Variants in MCF2L observed in about 807,000 individuals in gnomAD.
MCF2L encodes the protein guanine nucleotide exchange factor DBS.
Under a neutral mutation model 153.4 loss-of-function variants are expected in MCF2L, and 97 were observed. The ratio of observed to expected loss-of-function variants is 0.63; its 90% CI spans 0.54 to 0.75. MCF2L has a LOEUF of 0.75. Ranked by LOEUF, MCF2L falls within the 30% of genes least tolerant of loss-of-function variation. The pLI is 0.00. For synonymous variants in MCF2L, 659 were observed against 632.2 expected, an observed-to-expected ratio of 1.04 and a Z score of -0.64; for missense variants, 1,347 against 1,495.2, an observed-to-expected ratio of 0.90 and a Z score of 1.64.
At chr13:113,065,166 C>G in intron 7 of MCF2L, 81 bp downstream of exon 7, 1 of 1,536,598 alleles carries the variant, frequency 6.5e-7, no homozygotes, top group East Asian at 2.3e-5. Context: ...TCGGAAGCTG[C>G]GGGGGGTCTT....
At position 112,894,493 on chromosome 13, in the gene MCF2L, G is replaced by A. The variant is rs374584804; in HGVS notation, c.-5+62G>A. 212 of 151,752 alleles carry A rather than the reference G, an allele frequency of 1.4e-3. 2 individuals are homozygous for A. The highest frequency in any genetic ancestry group is 6.9e-3 in the Middle Eastern group (2 of 290). 9.4% of individuals were successfully genotyped at this position (151,752 alleles called of 1,614,324 possible). A position where few individuals can be genotyped will look rare whatever the true frequency, so the allele number is the denominator to read the frequency against. On this transcript the variant is annotated intron_variant, in intron 1 of 29. Transcript: ENST00000375608. ...GTGACGGGAGGGGGCGCGGGGCGGAGCCGGGCAGGAAGCGTCGCGGTCGCT... is the reference window on the plus strand; with the variant it reads ...GTGACGGGAGGGGGCGCGGGGCGGAACCGGGCAGGAAGCGTCGCGGTCGCT...
Position 112,993,616 on chromosome 13 carries a change from G to A in MCF2L, c.80-21147G>A, listed in dbSNP as rs1159567208. ...CAGGGCAGGAGGGACGGGGCTTAGGGATGTTTCTTGGAGAGAGGGAGCGAG... is the reference window on the plus strand; with the variant it reads ...CAGGGCAGGAGGGACGGGGCTTAGGAATGTTTCTTGGAGAGAGGGAGCGAG... On this transcript the variant is annotated intron_variant, in intron 1 of 29. Coordinates refer to ENST00000535094, the MANE Select transcript of MCF2L (RefSeq NM_001112732.3). The surrounding 1 kb of genome is among the most constrained non-coding windows in gnomAD (Gnocchi z 4.6). 6.6e-6 allele frequency among the ~76,000 whole-genome samples: 1 copy of A among 152,096 alleles called. No homozygotes were observed. Among genetic ancestry groups the A allele is most frequent in the Non-Finnish European group, 1.5e-5 (1 of 68,018 alleles).
At chr13:112,962,292 T>C (rs1240963510) in intron 2 of MCF2L, among the ~76,000 whole-genome samples, 1 of 151,996 alleles carries the variant, frequency 6.6e-6, no homozygotes, top group Non-Finnish European at 1.5e-5. Flanking sequence ...CACACACGCA[T>C]GTACACACAC....
chr13:112,937,048 T>C (rs938153744), intron 2 of MCF2L, among the ~76,000 whole-genome samples: 3 of 152,172 alleles, frequency 2.0e-5, no homozygotes, highest in African/African-American at 7.2e-5. Flanking sequence ...AATGATTACA[T>C]ATTTTATTTT....
intron 1 of MCF2L, among the ~76,000 whole-genome samples, chr13:112,990,297 G>C (rs1031965430): frequency 6.6e-6 from 1 of 152,218 alleles, no homozygotes; most frequent in Non-Finnish European, 1.5e-5. Flanking sequence ...CAGCCCTGTC[G>C]TGGGATATTT....
chr13:113,095,664 G>A lies in MCF2L; in HGVS notation c.3076-707G>A, dbSNP rs79184259. 1,771 of 991,962 alleles carry A rather than the reference G, an allele frequency of 1.8e-3. 2 individuals carry two copies. Among genetic ancestry groups the A allele is most frequent in the Admixed American group, 7.1e-3 (124 of 17,410 alleles). The allele number at this position is 991,962 out of a possible 1,614,324, so 61.4% of individuals were successfully genotyped here. A position where few individuals can be genotyped will look rare whatever the true frequency, so the allele number is the denominator to read the frequency against. On this transcript the variant is annotated intron_variant, in intron 27 of 29. Coordinates refer to ENST00000535094, the MANE Select transcript of MCF2L (RefSeq NM_001112732.3). ...CCGTCCTCCTGCTCCAGGCCATCAC[G>A]TGAGGGCAGGTGGCCCAGTCACCGT...
In MCF2L at chr13:113,064,180, G is replaced by A; in HGVS notation, c.490-124G>A. ...GTGTCCAGGTGCCCCCACCCACACA[G>A]CCGCCCGCAGCATCCAGGCAGACGT... On this transcript the variant is annotated intron_variant, in intron 5 of 29. Coordinates refer to ENST00000535094, the MANE Select transcript of MCF2L (RefSeq NM_001112732.3). This position sits in a 1 kb window ranked among gnomAD's most constrained non-coding sequence, Gnocchi z 6.0. 6 of 756,712 alleles carry A rather than the reference G, an allele frequency of 7.9e-6. No homozygotes were observed. Among genetic ancestry groups the A allele is most frequent in the Non-Finnish European group, 1.2e-5 (5 of 427,712 alleles). 46.9% of individuals were successfully genotyped at this position (756,712 alleles called of 1,614,324 possible).
chr13:112,904,013 G>A lies in MCF2L; in HGVS notation c.169+1642G>A, dbSNP rs1197325444. ...CTGGAAGGTTGCTGAGTCTTCCCGC[G>A]CTCAGCTTGGCTGTGAATTAACTGC... On this transcript the variant is annotated intron_variant, in intron 2 of 29. Coordinates refer to the MCF2L transcript ENST00000375608. This position sits in a 1 kb window ranked among gnomAD's most constrained non-coding sequence, Gnocchi z 4.2. 1.3e-5 allele frequency among the ~76,000 whole-genome samples: 2 copies of A among 152,134 alleles called. No individual in the cohort carries two copies. The highest frequency in any genetic ancestry group is 6.5e-5 in the Admixed American group (1 of 15,282).
intron 26 of MCF2L, chr13:113,090,996 G>T: frequency 2.4e-6 from 3 of 1,238,446 alleles, no homozygotes; most frequent in South Asian, 2.8e-5. Context: ...CTTTTTCATC[G>T]GTGGAAAGGG....
chr13:112,919,943 C>T (rs1161079425), intron 2 of MCF2L, among the ~76,000 whole-genome samples: 2 of 152,224 alleles, frequency 1.3e-5, no homozygotes, highest in South Asian at 2.1e-4. Flanking sequence ...ATGGATGTTT[C>T]AGATGTCTCT....
At chr13:112,949,115 A>C (rs781453438) in intron 2 of MCF2L, among the ~76,000 whole-genome samples, 30 of 152,274 alleles carry the variant, frequency 2.0e-4, no homozygotes, top group Admixed American at 8.5e-4. Context: ...AAAAAACTGC[A>C]AACAACTGTA....
Position 112,904,943 on chromosome 13 carries a change from G to T in MCF2L, c.169+2572G>T, listed in dbSNP as rs140273984. On this transcript the variant is annotated intron_variant, in intron 2 of 29. Coordinates refer to the MCF2L transcript ENST00000375608. This position sits in a 1 kb window ranked among gnomAD's most constrained non-coding sequence, Gnocchi z 4.2. ...GTCATAAAATAGACACCCATGAAAT[G>T]TACCATTTTAACTACTGTCAAGTGT... Among the ~76,000 whole-genome samples the T allele has an allele frequency of 1.1e-3, 170 of 152,300 alleles. 1 individual carries two copies. Among genetic ancestry groups the T allele is most frequent in the Non-Finnish European group, 2.0e-3 (135 of 68,022 alleles).
At chr13:112,896,464 CTG>C (rs2081069287) in intron 1 of MCF2L, among the ~76,000 whole-genome samples, 2 of 152,098 alleles carry the variant, frequency 1.3e-5, no homozygotes, top group African/African-American at 4.8e-5. Flanking sequence ...GAGGCCCCCC[CTG>C]TCTTTACAGC....
At chr13:113,078,816 A>G in intron 15 of MCF2L, 77 bp downstream of exon 15, 3 of 1,250,584 alleles carry the variant, frequency 2.4e-6, no homozygotes, top group Non-Finnish European at 3.4e-6. Flanking sequence ...CAGGCACTCG[A>G]GCAGATGCCT....
intron 1 of MCF2L, among the ~76,000 whole-genome samples, chr13:112,996,094 A>G (rs1227069296): frequency 6.6e-6 from 1 of 152,152 alleles, no homozygotes; most frequent in Non-Finnish European, 1.5e-5. Context: ...CACCAGACTC[A>G]TGCAGTCTCC....
chr13:113,031,201 CAGACAG>C lies in MCF2L; in HGVS notation c.278+6459_278+6464del, dbSNP rs751859061. 0.022 allele frequency among the ~76,000 whole-genome samples: 3,279 copies of C among 146,128 alleles called. 43 individuals carry two copies. Among genetic ancestry groups the C allele is most frequent in the Non-Finnish European group, 0.033 (2,194 of 67,324 alleles). On this transcript the variant is annotated intron_variant, in intron 3 of 29. Coordinates refer to ENST00000535094, the MANE Select transcript of MCF2L (RefSeq NM_001112732.3). The surrounding 1 kb of genome is among the most constrained non-coding windows in gnomAD (Gnocchi z 5.5). ...ACAGACAGAGACAGAGAGACAGAGA[CAGACAG>C]AGACAGAGACAGAGAGAGACAGAGA...
At chr13:112,954,101 T>G (rs1232306257) in intron 2 of MCF2L, among the ~76,000 whole-genome samples, 1 of 152,204 alleles carries the variant, frequency 6.6e-6, no homozygotes, top group Non-Finnish European at 1.5e-5. Context: ...TTGTGGAATG[T>G]GCACTCATCC....
At chr13:113,094,176 G>A (rs2035455183) in intron 26 of MCF2L, 1 of 185,118 alleles carries the variant, frequency 5.4e-6, no homozygotes, top group Non-Finnish European at 1.1e-5. Flanking sequence ...CTGCCTGGGA[G>A]GGCATCTGCG....
chr13:112,991,739 A>G (rs1228241812), intron 1 of MCF2L, among the ~76,000 whole-genome samples: 1 of 152,158 alleles, frequency 6.6e-6, no homozygotes, highest in Non-Finnish European at 1.5e-5. Context: ...TGGCCGGGAA[A>G]GGGGGTCATT....
Sources: gnomAD v4.1 joint callset for allele counts (sites outside exome capture counted in the v4.1 genomes callset) on GRCh38, gnomAD v4.1.1 for gene constraint, Gnocchi (gnomAD v3.1) non-coding constraint, MANE v1.5 for transcripts, NCBI Gene and HGNC (gene_info 2026-07-23, HGNC 2026-07-21) for gene names.